Variants in TDRD12 observed in about 807,000 individuals in gnomAD.
TDRD12 encodes putative ATP-dependent RNA helicase TDRD12.
Under a neutral mutation model 133.5 loss-of-function variants are expected in TDRD12, and 158 were observed. The ratio of observed to expected loss-of-function variants is 1.18; its 90% CI spans 1.04 to 1.35. The LOEUF is 1.35. Among genes scored for constraint, TDRD12 ranks in the 40% most tolerant of loss-of-function variants. TDRD12 has a pLI of 0.00. For synonymous variants in TDRD12, 460 were observed against 477.9 expected (o/e 0.96, Z 0.49); for missense variants, 1,443 against 1,321.3 (o/e 1.09, Z -1.43).
Position 32,794,777 on chromosome 19 carries a change from A to G in TDRD12, c.1437A>G (p.Thr479=), listed in dbSNP as rs1166315118. The G allele has an allele frequency of 4.3e-6, 3 of 703,446 alleles. No individual in the cohort carries two copies. The Admixed American group carries it at 6.0e-5, about 14-fold the overall frequency. The allele number at this position is 703,446 out of a possible 1,614,324, so 43.6% of individuals were successfully genotyped here. ...TACCAGTGTTGACAGTTTTGCAAAC[A>G]GGAGCCTGCTACAAGTCATTACCAA... Residue 479 remains threonine, a synonymous_variant, in exon 14 of 28, where the codon ACA becomes ACG. Coordinates refer to ENST00000444215, the Ensembl canonical transcript of TDRD12.
intron 11 of TDRD12, among the ~76,000 whole-genome samples, chr19:32,778,341 C>G (rs183070848): frequency 1.3e-3 from 199 of 152,204 alleles, no homozygotes; most frequent in African/African-American, 4.3e-3. Flanking sequence ...ACTGACACCC[C>G]CCTCCCAGGG....
At chr19:32,798,472 A>G (rs956928153) in intron 16 of TDRD12, 37 bp downstream of exon 16, 24 of 1,484,918 alleles carry the variant, frequency 1.6e-5, no homozygotes, top group Non-Finnish European at 2.1e-5. Context: ...CTCAGAAGAG[A>G]GGCGTGATTA....
intron 21 of TDRD12, among the ~76,000 whole-genome samples, chr19:32,804,484 G>C (rs1402236728): frequency 6.7e-6 from 1 of 150,056 alleles, no homozygotes; most frequent in African/African-American, 2.4e-5. Context: ...ACAAGGTCAA[G>C]AGATCGAGAC....
chr19:32,746,368 C>G (rs1281198506), intron 4 of TDRD12, among the ~76,000 whole-genome samples: 14 of 37,800 alleles, frequency 3.7e-4, no homozygotes, highest in Non-Finnish European at 2.4e-4. Context: ...GAGAGACTGG[C>G]TGATGTGGTT....
intron 21 of TDRD12, 50 bp from the exon 22 acceptor site, chr19:32,807,499 C>T: frequency 7.7e-7 from 1 of 1,295,498 alleles, no homozygotes; most frequent in East Asian, 2.6e-5. Flanking sequence ...TTAAAATTCA[C>T]ATTAACAATT....
At chr19:32,790,095 C>T (rs1007220263) in intron 11 of TDRD12, among the ~76,000 whole-genome samples, 1 of 152,120 alleles carries the variant, frequency 6.6e-6, no homozygotes, top group Non-Finnish European at 1.5e-5. Flanking sequence ...CATCTTTATC[C>T]TGGAGTCCCC....
intron 4 of TDRD12, 31 bp downstream of exon 4, chr19:32,742,931 A>G (rs1298221295): frequency 6.5e-7 from 1 of 1,548,566 alleles, no homozygotes; most frequent in Non-Finnish European, 8.7e-7. Flanking sequence ...CCTTCGAATC[A>G]TTAGTAAAAG....
intron 10 of TDRD12, 33 bp downstream of exon 10, chr19:32,773,565 G>A (rs1299489225): frequency 6.5e-7 from 1 of 1,541,878 alleles, no homozygotes; most frequent in Non-Finnish European, 8.8e-7. Context: ...GGGTGTGGTG[G>A]CGCCTGCCTG....
chr19:32,761,321 G>T (rs1029192465), intron 8 of TDRD12, among the ~76,000 whole-genome samples: 1 of 151,870 alleles, frequency 6.6e-6, no homozygotes, highest in Admixed American at 6.6e-5. Context: ...TAGTAGAGAC[G>T]GGGTTTCACC....
chr19:32,803,025 C>T (rs934683541), exon 21 of TDRD12: 29 of 1,535,766 alleles, frequency 1.9e-5, no homozygotes, highest in Middle Eastern at 1.7e-4. Context: ...TTGGAGCGAG[C>T]GGACGCCAAG....
chr19:32,769,937 T>C (rs1328966932), intron 8 of TDRD12, among the ~76,000 whole-genome samples: 1 of 150,158 alleles, frequency 6.7e-6, no homozygotes, highest in East Asian at 2.0e-4. Flanking sequence ...TGCCCAGCCT[T>C]GTTGTGATTT....
intron 2 of TDRD12, 28 bp from the exon 3 acceptor site, chr19:32,738,828 T>C (rs763420201): frequency 6.5e-7 from 1 of 1,544,928 alleles, no homozygotes; most frequent in African/African-American, 1.4e-5. Flanking sequence ...AATAAATAAA[T>C]AAAAATAACT....
At position 32,811,418 on chromosome 19, in the gene TDRD12, A is replaced by T; in HGVS notation, c.3046A>T (p.Lys1016Ter). 6.5e-7 allele frequency: 1 copy of T among 1,535,998 alleles called. No individual in the cohort carries two copies. Among genetic ancestry groups the T allele is most frequent in the Non-Finnish European group, 8.7e-7 (1 of 1,146,802 alleles). ...TGACAACGAAATAGAATGGAATCCG[A>T]AGGTGGGTGATTTTGGCTTTTTATC... is the stretch of plus-strand genomic sequence containing the variant. Residue 1016 changes from lysine to a stop codon, truncating the protein, a stop_gained and splice_region_variant, in exon 24 of 28, where the codon AAG becomes TAG. Transcript: ENST00000444215. LOFTEE classifies it high-confidence loss of function.
chr19:32,817,442 T>A (rs1967218809), intron 26 of TDRD12, among the ~76,000 whole-genome samples: 1 of 152,126 alleles, frequency 6.6e-6, no homozygotes, highest in South Asian at 2.1e-4. Flanking sequence ...CCGGGTCAGA[T>A]TTCCTTCCCT....
Position 32,778,656 on chromosome 19 carries a change from C to T in TDRD12, c.1121+1427C>T, listed in dbSNP as rs531360163. 2.0e-4 allele frequency among the ~76,000 whole-genome samples: 31 copies of T among 152,122 alleles called. 1 individual carries two copies. The highest frequency in any genetic ancestry group is 3.1e-4 in the Non-Finnish European group (21 of 68,012). ...CTGGAATTACAGGCGCCTGCCACCA[C>T]GTCCAGCTAATTTTTGTATTTTTAG... On this transcript the variant is annotated intron_variant, in intron 11 of 27. Transcript: ENST00000444215.
At chr19:32,803,012 T>C in exon 21 of TDRD12, 1 of 1,536,036 alleles carries the variant, frequency 6.5e-7, no homozygotes, top group Non-Finnish European at 8.7e-7. Context: ...CGTCCTGCGC[T>C]ACTTGGAGCG....
chr19:32,731,269 T>A (rs1180196265), intron 1 of TDRD12, among the ~76,000 whole-genome samples: 1 of 152,148 alleles, frequency 6.6e-6, no homozygotes, highest in Non-Finnish European at 1.5e-5. Flanking sequence ...AAAAGAAGAA[T>A]ACAAATCAGG....
At chr19:32,755,893 C>A (rs1913323651) in intron 6 of TDRD12, 99 bp from the exon 7 acceptor site, 2 of 877,352 alleles carry the variant, frequency 2.3e-6, no homozygotes, top group East Asian at 3.3e-5. Flanking sequence ...AAAATAATTT[C>A]TCTGAAGGTA....
At chr19:32,769,817 G>C (rs904645870) in intron 8 of TDRD12, among the ~76,000 whole-genome samples, 1 of 151,932 alleles carries the variant, frequency 6.6e-6, no homozygotes, top group Non-Finnish European at 1.5e-5. Context: ...TGTATTTTTA[G>C]TAGAGACGGG....
Sources: gnomAD v4.1 joint callset for allele counts (sites outside exome capture counted in the v4.1 genomes callset) on GRCh38, gnomAD v4.1.1 for gene constraint, MANE v1.5 for transcripts, NCBI Gene and HGNC (gene_info 2026-07-23, HGNC 2026-07-21) for gene names.